ZNF746: variants seen among roughly 807,000 people sequenced by gnomAD.
ZNF746 encodes parkin-interacting substrate.
ZNF746 carries 13 observed loss-of-function variants against 41.0 expected under a neutral mutation model. The ratio of observed to expected loss-of-function variants is 0.32; its 90% CI spans 0.21 to 0.50. ZNF746 has a LOEUF of 0.50. Among genes scored for constraint, ZNF746 ranks in the 20% least tolerant of loss-of-function variants. ZNF746 has a pLI of 0.98. For missense variants in ZNF746, 811 were observed against 922.9 expected, an observed-to-expected ratio of 0.88 and a Z score of 1.57; for synonymous variants, 424 against 396.2, an observed-to-expected ratio of 1.07 and a Z score of -0.83.
intron 4 of ZNF746, chr7:149,490,895 G>T (rs1440069481): frequency 3.5e-5 from 1 of 28,320 alleles, no homozygotes; most frequent in African/African-American, 1.7e-4. Flanking sequence ...AATCTGAGGG[G>T]TGAGGACCCT....
Position 149,494,591 on chromosome 7 carries a change from G to A in ZNF746, c.25-88C>T, listed in dbSNP as rs1341365011. The A allele has an allele frequency of 2.0e-6, 3 of 1,520,822 alleles. No individual in the cohort carries two copies. Among genetic ancestry groups the A allele is most frequent in the Non-Finnish European group, 2.7e-6 (3 of 1,113,692 alleles). 94.2% of individuals were successfully genotyped at this position (1,520,822 alleles called of 1,614,324 possible). A position where few individuals can be genotyped will look rare whatever the true frequency, so the allele number is the denominator to read the frequency against. ...CTCTCCCTAGGCACGGGGGAGTTGG[G>A]CTGGGAGTCCATATGTGTGGACAAG... is the stretch of plus-strand genomic sequence containing the variant. On this transcript the variant is annotated intron_variant, in intron 1 of 6. Transcript: ENST00000458143. The surrounding 1 kb of genome is among the most constrained non-coding windows in gnomAD (Gnocchi z 5.6).
Position 149,473,552 on chromosome 7 carries a change from G to C in ZNF746, c.*832C>G, listed in dbSNP as rs1243974455. The C allele has an allele frequency of 6.6e-6, 1 of 152,288 alleles. No homozygotes were observed. The highest frequency in any genetic ancestry group is 1.5e-5 in the Non-Finnish European group (1 of 68,092). 9.4% of individuals were successfully genotyped at this position (152,288 alleles called of 1,614,324 possible). On this transcript the variant is annotated 3_prime_UTR_variant, in exon 7 of 7. Coordinates refer to ENST00000458143, the MANE Select transcript of ZNF746 (RefSeq NM_001394198.1). The stretch of plus-strand genomic sequence containing the variant: ...CTCACGGAGTGGGAGGCAGCCCCAG[G>C]TTGGGGTGGGCGGCCAGGCTTTGCT...
chr7:149,492,247 C>T (rs1800829973), intron 4 of ZNF746, among the ~76,000 whole-genome samples: 1 of 152,214 alleles, frequency 6.6e-6, no homozygotes, highest in Non-Finnish European at 1.5e-5. Context: ...TCAGCCTACT[C>T]AATCTGAAGA....
intron 4 of ZNF746, among the ~76,000 whole-genome samples, chr7:149,482,311 A>G (rs1367042890): frequency 1.3e-5 from 2 of 152,374 alleles, no homozygotes; most frequent in Admixed American, 1.3e-4. Flanking sequence ...AAAGCAATGT[A>G]AAAGAATGAA....
At position 149,497,306 on chromosome 7, in the gene ZNF746, A is replaced by T. The variant is rs986880066; in HGVS notation, c.24+207T>A. 2.2e-5 allele frequency: 22 copies of T among 984,904 alleles called. No individual in the cohort carries two copies. Among genetic ancestry groups the T allele is most frequent in the Non-Finnish European group, 2.7e-5 (22 of 829,758 alleles). The allele number at this position is 984,904 out of a possible 1,614,324, so 61.0% of individuals were successfully genotyped here. A position where few individuals can be genotyped will look rare whatever the true frequency, so the allele number is the denominator to read the frequency against. ...CCGGGGCGGGGACAACCGTTCCGCC[A>T]GCGCTCGGGTTCGGCTCGGAGTGGG... On this transcript the variant is annotated intron_variant, in intron 1 of 6. Transcript: ENST00000458143. This position sits in a 1 kb window ranked among gnomAD's most constrained non-coding sequence, Gnocchi z 4.2.
intron 5 of ZNF746, 54 bp from the exon 6 acceptor site, chr7:149,477,101 G>C (rs1163010282): frequency 1.9e-6 from 3 of 1,557,154 alleles, no homozygotes; most frequent in African/African-American, 2.7e-5. Flanking sequence ...GGGGAGGACA[G>C]AAGACTGTTG....
intron 1 of ZNF746, among the ~76,000 whole-genome samples, chr7:149,496,624 C>G (rs998095947): frequency 6.6e-6 from 1 of 152,110 alleles, no homozygotes; most frequent in Non-Finnish European, 1.5e-5. Flanking sequence ...AGGCACTCCT[C>G]CCTCCCTGAA....
intron 4 of ZNF746, chr7:149,490,312 C>G (rs1276598589): frequency 2.0e-5 from 3 of 152,288 alleles, no homozygotes; most frequent in African/African-American, 7.2e-5. Context: ...CACGGTGTGA[C>G]TGTGTGGCAG....
chr7:149,476,679 C>T (rs1285252757), intron 6 of ZNF746, among the ~76,000 whole-genome samples: 3 of 152,136 alleles, frequency 2.0e-5, no homozygotes, highest in African/African-American at 7.2e-5. Flanking sequence ...TAGAATAGAC[C>T]ACTTAACACC....
chr7:149,474,681 G>A lies in ZNF746; in HGVS notation c.1686C>T (p.Arg562=). Residue 562 remains arginine (R), a synonymous_variant, in exon 7 of 7, where the codon CGC becomes CGT. Transcript: ENST00000458143. This position sits in a 1 kb window ranked among gnomAD's most constrained non-coding sequence, Gnocchi z 6.3. ...RPFPCTECEK[R]FTERSKLIDH... ...CGATGAGCTTGGAGCGTTCGGTGAA[G>A]CGCTTCTCACACTCGGTGCAGGGGA... 1 of 1,613,350 alleles carries A rather than the reference G, an allele frequency of 6.2e-7. No homozygotes were observed. The highest frequency in any genetic ancestry group is 1.7e-5 in the Admixed American group (1 of 60,002).
At chr7:149,496,038 T>C (rs1346015053) in intron 1 of ZNF746, among the ~76,000 whole-genome samples, 2 of 152,092 alleles carry the variant, frequency 1.3e-5, no homozygotes, top group African/African-American at 2.4e-5. Flanking sequence ...CTCAGATCAA[T>C]CCCTGTCACG....
At chr7:149,480,767 G>T (rs1800462559) in intron 4 of ZNF746, among the ~76,000 whole-genome samples, 1 of 152,130 alleles carries the variant, frequency 6.6e-6, no homozygotes, top group Non-Finnish European at 1.5e-5. Flanking sequence ...CAATGTGTAG[G>T]TTAAACAACA....
At chr7:149,476,245 G>A (rs886535857) in intron 6 of ZNF746, among the ~76,000 whole-genome samples, 10 of 147,676 alleles carry the variant, frequency 6.8e-5, no homozygotes, top group Admixed American at 2.8e-4. Flanking sequence ...CCCGGAAGGC[G>A]GAGCGTGCAG....
At chr7:149,475,847 C>T (rs1800281729) in intron 6 of ZNF746, among the ~76,000 whole-genome samples, 1 of 152,224 alleles carries the variant, frequency 6.6e-6, no homozygotes, top group African/African-American at 2.4e-5. Flanking sequence ...CTCGGCCACA[C>T]ACCAGCTGTG....
At position 149,477,482 on chromosome 7, in the gene ZNF746, C is replaced by G. The variant is rs117269624; in HGVS notation, c.757+82G>C. ...CCGGAAGTGTTGAGGGCCCACAGCT[C>G]CCCCATGCTGCCACGAGCCCTCCCC... On this transcript the variant is annotated intron_variant, in intron 5 of 6. Transcript: ENST00000458143. The G allele has an allele frequency of 5.7e-3, 8,252 of 1,458,698 alleles. 49 individuals are homozygous for G. The highest frequency in any genetic ancestry group is 0.017 in the South Asian group (1,290 of 77,572). The allele number at this position is 1,458,698 out of a possible 1,614,324, so 90.4% of individuals were successfully genotyped here. A position where few individuals can be genotyped will look rare whatever the true frequency, so the allele number is the denominator to read the frequency against.
In ZNF746 at chr7:149,474,979, G is replaced by A. The variant is rs1800240921; in HGVS notation, c.1388C>T (p.Pro463Leu). ...GCAGGTGAAGGGCCGGCCCCCGGGG[G>A]GCGCCGCGGGGTGCTTCTTCAGCCC... is the stretch of plus-strand genomic sequence containing the variant. The part of the protein sequence containing the change: ...KPGLKKHPAA[P>L]PGGRPFTCAT... Residue 463 changes from proline to leucine, a missense_variant, in exon 7 of 7, where the codon CCC becomes CTC. Around this residue, in one of 4 missense-constraint regions of ZNF746, gnomAD observed 495 missense variants for 481.6 expected, o/e 1.03. Coordinates refer to ENST00000458143, the MANE Select transcript of ZNF746 (RefSeq NM_001394198.1). This position sits in a 1 kb window ranked among gnomAD's most constrained non-coding sequence, Gnocchi z 6.3. 2.6e-6 allele frequency: 4 copies of A among 1,547,944 alleles called. No homozygotes were observed. Among genetic ancestry groups the A allele is most frequent in the East Asian group, 2.4e-5 (1 of 40,956 alleles).
chr7:149,478,291 G>C (rs1800379994), intron 4 of ZNF746, among the ~76,000 whole-genome samples: 1 of 152,176 alleles, frequency 6.6e-6, no homozygotes. Flanking sequence ...GGTTGGGAGT[G>C]TGGCCGAGCC....
chr7:149,483,110 T>G (rs552774181), intron 4 of ZNF746, among the ~76,000 whole-genome samples: 52 of 152,118 alleles, frequency 3.4e-4, no homozygotes, highest in Non-Finnish European at 6.3e-4. Flanking sequence ...ACAACACAAT[T>G]AAGTTTGAAA....
In ZNF746 at chr7:149,476,910, C is replaced by T. The variant is rs753851377; in HGVS notation, c.883+12G>A. 9.0e-5 allele frequency: 146 copies of T among 1,613,906 alleles called. 3 individuals are homozygous for T. The highest frequency in any genetic ancestry group is 1.7e-4 in the Middle Eastern group (1 of 6,040). On this transcript the variant is annotated intron_variant, in intron 6 of 6. Transcript: ENST00000458143. The stretch of plus-strand genomic sequence containing the variant: ...AGCATGGCCCTTCCCTTCCTCCTCT[C>T]GCCACCTGTACCTTCCGTGGAGGCT...
Sources: allele counts gnomAD v4.1 joint callset (sites outside exome capture counted in the v4.1 genomes callset), GRCh38; gene constraint gnomAD v4.1.1; regional missense constraint gnomAD v4.1.1; non-coding constraint Gnocchi (gnomAD v3.1); transcripts MANE v1.5; gene names NCBI Gene and HGNC (gene_info 2026-07-23, HGNC 2026-07-21).